Variants in SPRED2 observed in about 807,000 individuals in gnomAD.
The protein encoded by SPRED2 is sprouty related EVH1 domain containing 2, also known as sprouty-related, EVH1 domain-containing protein 2.
A neutral mutation model predicts 43.0 loss-of-function variants in SPRED2; 47 were observed. The observed-to-expected ratio is 1.09, with a 90% CI of 0.87 to 1.40. The LOEUF (loss-of-function observed/expected upper bound fraction) is 1.40. SPRED2 is among the 40% of genes most tolerant of loss of function. SPRED2 has a pLI of 0.00. For synonymous variants in SPRED2, 225 were observed against 225.7 expected, an observed-to-expected ratio of 1.00 and a Z score of 0.03; for missense variants, 561 against 586.4, an observed-to-expected ratio of 0.96 and a Z score of 0.45.
At chr2:65,430,287 G>A (rs1676647009) in intron 1 of SPRED2, among the ~76,000 whole-genome samples, 1 of 152,118 alleles carries the variant, frequency 6.6e-6, no homozygotes, top group East Asian at 1.9e-4. Context: ...AGAAACACCA[G>A]CAGATGCGGT....
chr2:65,381,808 G>A (rs751328553), intron 1 of SPRED2, among the ~76,000 whole-genome samples: 1 of 152,200 alleles, frequency 6.6e-6, no homozygotes, highest in African/African-American at 2.4e-5. Context: ...CTGGACCTCT[G>A]AAGTCAACAT....
chr2:65,371,797 C>T (rs1377216092), intron 1 of SPRED2, among the ~76,000 whole-genome samples: 5 of 152,092 alleles, frequency 3.3e-5, no homozygotes, highest in Non-Finnish European at 5.9e-5. Flanking sequence ...GAGGCTCAAC[C>T]GGGCGCGGTG....
chr2:65,431,899 T>A, intron 1 of SPRED2, 63 bp downstream of exon 1: 1 of 1,596,164 alleles, frequency 6.3e-7, no homozygotes, highest in Middle Eastern at 1.7e-4. Flanking sequence ...GCCCGCATCC[T>A]CAGCCCCGGC....
intron 1 of SPRED2, among the ~76,000 whole-genome samples, chr2:65,354,403 C>T (rs1279860589): frequency 6.6e-6 from 1 of 152,160 alleles, no homozygotes; most frequent in Admixed American, 6.5e-5. Flanking sequence ...GCAAGGTTGA[C>T]AAAGTTACAT....
intron 5 of SPRED2, among the ~76,000 whole-genome samples, chr2:65,314,538 G>T (rs1324302558): frequency 6.6e-6 from 1 of 152,174 alleles, no homozygotes; most frequent in Non-Finnish European, 1.5e-5. Context: ...GGCAGAACAG[G>T]ACCTGTGCCC....
intron 1 of SPRED2, among the ~76,000 whole-genome samples, chr2:65,392,175 C>A (rs906195181): frequency 2.0e-5 from 2 of 98,726 alleles, no homozygotes; most frequent in Non-Finnish European, 2.1e-5. Context: ...TCCAGAATTT[C>A]TTTTTTTTTT....
intron 4 of SPRED2, among the ~76,000 whole-genome samples, chr2:65,317,858 G>T (rs76855432): frequency 2.0e-4 from 31 of 152,252 alleles, no homozygotes; most frequent in South Asian, 2.1e-4. Context: ...CTCTGTGAAG[G>T]GGGAGTACAG....
chr2:65,389,082 C>T (rs1675571995), intron 1 of SPRED2, among the ~76,000 whole-genome samples: 1 of 152,204 alleles, frequency 6.6e-6, no homozygotes, highest in African/African-American at 2.4e-5. Flanking sequence ...GAGACCCCAG[C>T]CCTCTTTCCT....
intron 1 of SPRED2, among the ~76,000 whole-genome samples, chr2:65,376,426 T>C (rs1675239249): frequency 6.6e-6 from 1 of 152,204 alleles, no homozygotes. Flanking sequence ...CTGTACAATG[T>C]AAAGATAGAT....
At chr2:65,385,354 AT>A (rs1030560976) in intron 1 of SPRED2, among the ~76,000 whole-genome samples, 14 of 152,168 alleles carry the variant, frequency 9.2e-5, no homozygotes, top group African/African-American at 3.4e-4. Context: ...ATTTCCTAAG[AT>A]TTCCCCTTTA....
intron 1 of SPRED2, among the ~76,000 whole-genome samples, chr2:65,368,567 G>C (rs1445296299): frequency 6.6e-6 from 1 of 152,072 alleles, no homozygotes; most frequent in Non-Finnish European, 1.5e-5. Flanking sequence ...TTTCAGTAAT[G>C]AAAAATACAA....
intron 1 of SPRED2, among the ~76,000 whole-genome samples, chr2:65,385,944 C>A (rs1675486140): frequency 1.3e-5 from 2 of 152,122 alleles, no homozygotes; most frequent in Admixed American, 6.5e-5. Flanking sequence ...ACTGATCATG[C>A]CCATGGGAGA....
chr2:65,366,911 TAAA>T, intron 1 of SPRED2: 2 of 348,210 alleles, frequency 5.7e-6, no homozygotes, highest in Middle Eastern at 1.4e-3. Flanking sequence ...AATATTGTTT[TAAA>T]AATTCCTGTA....
At chr2:65,335,144 C>G (rs116190947) in intron 2 of SPRED2, among the ~76,000 whole-genome samples, 3 of 152,244 alleles carry the variant, frequency 2.0e-5, no homozygotes, top group African/African-American at 7.2e-5. Flanking sequence ...TCCCCCGAGG[C>G]TCCAAATTCC....
In SPRED2 at chr2:65,368,708, T is replaced by C. The variant is rs1392950969; in HGVS notation, c.27-23812A>G. ...TACTGTTCTTGCAACATTTCTGTAA[T>C]TATGAACTGTTTCAAAATAAACTTA... On this transcript the variant is annotated intron_variant, in intron 1 of 5. Coordinates refer to ENST00000356388, the MANE Select transcript of SPRED2 (RefSeq NM_181784.3). Among the ~76,000 whole-genome samples the C allele has an allele frequency of 3.9e-5, 6 of 152,228 alleles. No homozygotes were observed. The East Asian group carries it at 1.2e-3, about 29-fold the overall frequency.
rs201627589 is a variant in SPRED2, at chr2:65,386,303, AAG to A, written c.27-41409_27-41408del. 1.6e-3 allele frequency among the ~76,000 whole-genome samples: 241 copies of A among 147,714 alleles called. 18 individuals are homozygous for A. The highest frequency in any genetic ancestry group is 4.1e-3 in the African/African-American group (165 of 39,980). ...TCTGTCTCAAAAAAAAAAAAAAAAA[AAG>A]AAAGCACTGGTATCAGAAGGTCTTC... On this transcript the variant is annotated intron_variant, in intron 1 of 5. Transcript: ENST00000356388.
At position 65,334,699 on chromosome 2, in the gene SPRED2, G is replaced by T. The variant is rs200481007; in HGVS notation, c.279C>A (p.Val93=). 6.2e-7 allele frequency: 1 copy of T among 1,614,088 alleles called. No homozygotes were observed. Among genetic ancestry groups the T allele is most frequent in the African/African-American group, 1.3e-5 (1 of 75,006 alleles). Residue 93 remains valine, a synonymous_variant, in exon 3 of 6, where the codon GTC becomes GTA. Transcript: ENST00000356388. ...KANPTFHHWK[V]DNRKFGLTFQ... ...AAGTAAGTCCAAACTTCCTATTATC[G>T]ACCTTCCAGTGATGAAACGTTGGAT...
At chr2:65,354,924 T>C (rs1025818804) in intron 1 of SPRED2, among the ~76,000 whole-genome samples, 1 of 152,184 alleles carries the variant, frequency 6.6e-6, no homozygotes. Context: ...CTCTTGTCAA[T>C]ATGTTCTTCT....
chr2:65,366,904 ATT>A (rs1674995255), intron 1 of SPRED2: 1 of 400,494 alleles, frequency 2.5e-6, no homozygotes, highest in South Asian at 1.0e-4. Context: ...CAATTAAAAT[ATT>A]GTTTTAAAAA....
Sources: gnomAD v4.1 joint callset for allele counts (sites outside exome capture counted in the v4.1 genomes callset) on GRCh38, gnomAD v4.1.1 for gene constraint, MANE v1.5 for transcripts, NCBI Gene and HGNC (gene_info 2026-07-23, HGNC 2026-07-21) for gene names.